ARFGEF1: variants seen among roughly 807,000 people sequenced by gnomAD.
ARFGEF1 encodes the protein brefeldin A-inhibited guanine nucleotide-exchange protein 1.
Under a neutral mutation model 231.0 loss-of-function variants are expected in ARFGEF1, and 42 were observed. The ratio of observed to expected loss-of-function variants is 0.18; its 90% CI spans 0.14 to 0.24. The LOEUF is 0.24. ARFGEF1 is among the 10% of genes least tolerant of loss of function. The pLI is 1.00. For missense variants in ARFGEF1, 1,345 were observed against 2,192.0 expected, an observed-to-expected ratio of 0.61 and a Z score of 7.72; for synonymous variants, 710 against 732.3, an observed-to-expected ratio of 0.97 and a Z score of 0.49.
chr8:67,283,508 T>C (rs573728919), intron 7 of ARFGEF1, among the ~76,000 whole-genome samples: 71 of 152,222 alleles, frequency 4.7e-4, no homozygotes, highest in African/African-American at 1.7e-3. Flanking sequence ...TATGCAGGCA[T>C]GTGTGAAAAA....
intron 1 of ARFGEF1, among the ~76,000 whole-genome samples, chr8:67,304,179 C>T (rs919942224): frequency 6.6e-6 from 1 of 152,194 alleles, no homozygotes; most frequent in Non-Finnish European, 1.5e-5. Flanking sequence ...GTACCAGATA[C>T]TGTATTAAAC....
chr8:67,322,638 G>A (rs189916192), intron 1 of ARFGEF1, among the ~76,000 whole-genome samples: 230 of 152,272 alleles, frequency 1.5e-3, no homozygotes, highest in African/African-American at 5.3e-3. Context: ...CCAGGAGTTC[G>A]AGGATGCTGT....
downstream of ARFGEF1, among the ~76,000 whole-genome samples, chr8:67,194,836 A>G (rs146315979): frequency 7.8e-4 from 119 of 152,334 alleles, 1 homozygote; most frequent in African/African-American, 2.7e-3. Flanking sequence ...CTACCTCTTC[A>G]TTGACTGGAC....
At chr8:67,186,978 T>TATC (rs1834811841) in intron 5 of ARFGEF1, among the ~76,000 whole-genome samples, 1 of 133,658 alleles carries the variant, frequency 7.5e-6, no homozygotes, top group Non-Finnish European at 1.6e-5. Flanking sequence ...ATCATCTATC[T>TATC]ATCTATCTAT....
intron 15 of ARFGEF1, 63 bp from the exon 16 acceptor site, chr8:67,258,353 T>G: frequency 8.4e-7 from 1 of 1,189,106 alleles, no homozygotes; most frequent in South Asian, 1.5e-5. Flanking sequence ...TGAGACAGAG[T>G]CTTGCTCTGT....
At chr8:67,240,102 T>G (rs1253646021) in intron 20 of ARFGEF1, 60 bp downstream of exon 20, 1 of 1,571,592 alleles carries the variant, frequency 6.4e-7, no homozygotes, top group East Asian at 2.3e-5. Flanking sequence ...ATTTAAACTA[T>G]TGTAATGGCA....
intron 1 of ARFGEF1, 31 bp from the exon 2 acceptor site, chr8:67,302,497 G>C (rs1208569593): frequency 5.3e-6 from 8 of 1,520,860 alleles, no homozygotes; most frequent in South Asian, 2.6e-5. Context: ...GCATACATTA[G>C]AAAACTGGAC....
At chr8:67,175,175 C>G, downstream of ARFGEF1, 1 of 729,326 alleles carries the variant, frequency 1.4e-6, no homozygotes. Flanking sequence ...TGATGTTTCA[C>G]TATTTCTATC....
rs1176673836 is a variant in ARFGEF1, at chr8:67,211,368, A to AAAAAAAAG, written c.4819+114_4819+115insCTTTTTTT. 5.0e-6 allele frequency: 3 copies of AAAAAAAAG among 596,924 alleles called. No homozygotes were observed. In the African/African-American group the frequency reaches 6.1e-5, roughly 12 times the overall value. The allele number at this position is 596,924 out of a possible 1,614,324, so 37.0% of individuals were successfully genotyped here. ...CTCAAAAAAAAAAAAAAAAAAAAGA[A>AAAAAAAAG]GTGATGACACAATCAATTATAGTAT... On this transcript the variant is annotated intron_variant, in intron 34 of 38. Coordinates refer to ENST00000262215, the MANE Select transcript of ARFGEF1 (RefSeq NM_006421.5).
Position 67,181,395 on chromosome 8 carries a change from C to T in ARFGEF1, c.561-5823G>A, listed in dbSNP as rs147732266. Among the ~76,000 whole-genome samples the T allele has an allele frequency of 4.0e-4, 56 of 139,778 alleles. No homozygotes were observed. In the East Asian group the frequency reaches 8.7e-3, roughly 22 times the overall value. The allele number at this position is 139,778 out of a possible 152,430, so 91.7% of individuals were successfully genotyped here. ...TTTCCTTTCCAAGGAAGATGCACTG[C>T]GGAGAGAAGGAAAGATAAAACCAGC... On this transcript the variant is annotated intron_variant, in intron 5 of 5. Coordinates refer to the ARFGEF1 transcript ENST00000518789.
chr8:67,199,197 A>G, intron 38 of ARFGEF1, 99 bp from the exon 39 acceptor site: 1 of 1,415,012 alleles, frequency 7.1e-7, no homozygotes, highest in Non-Finnish European at 9.5e-7. Context: ...CACAGGAGCC[A>G]GGAAAGCAGG....
At chr8:67,173,625 G>C (rs1830913960), downstream of ARFGEF1, 1 of 151,720 alleles carries the variant, frequency 6.6e-6, no homozygotes, top group Non-Finnish European at 1.5e-5. Context: ...TTATCATTTT[G>C]GATGTTTTCT....
At chr8:67,304,387 G>C (rs997077547) in intron 1 of ARFGEF1, among the ~76,000 whole-genome samples, 9 of 152,190 alleles carry the variant, frequency 5.9e-5, no homozygotes, top group African/African-American at 1.7e-4. Flanking sequence ...AGAACTAGAA[G>C]GCAGATAGTA....
At chr8:67,236,361 A>ATATATAT (rs1839748784) in intron 22 of ARFGEF1, among the ~76,000 whole-genome samples, 1 of 42,064 alleles carries the variant, frequency 2.4e-5, no homozygotes, top group Non-Finnish European at 4.3e-5. Context: ...AAAAAAAAAA[A>ATATATAT]AAAAATATAT....
chr8:67,193,525 ATGT>A (rs749558548), downstream of ARFGEF1: 36 of 1,612,892 alleles, frequency 2.2e-5, 1 homozygote, highest in African/African-American at 4.0e-4. Context: ...TCCAGTGTAA[ATGT>A]TGATGAGCTT....
intron 7 of ARFGEF1, among the ~76,000 whole-genome samples, chr8:67,284,930 C>T (rs1805688498): frequency 6.6e-6 from 1 of 151,936 alleles, no homozygotes; most frequent in East Asian, 1.9e-4. Context: ...CTTTCTGTTC[C>T]AAACATAAAG....
intron 19 of ARFGEF1, among the ~76,000 whole-genome samples, chr8:67,249,009 T>C (rs893721654): frequency 6.6e-6 from 1 of 150,436 alleles, no homozygotes; most frequent in African/African-American, 2.5e-5. Context: ...ATATTATACA[T>C]TGCATTCCAG....
At chr8:67,193,129 C>CTTTTT (rs995747695), downstream of ARFGEF1, among the ~76,000 whole-genome samples, 1 of 151,258 alleles carries the variant, frequency 6.6e-6, no homozygotes, top group African/African-American at 2.4e-5. Flanking sequence ...TGGTTTTTTT[C>CTTTTT]TTTTTTTTTG....
intron 5 of ARFGEF1, among the ~76,000 whole-genome samples, chr8:67,178,890 A>G (rs1291688053): frequency 6.6e-6 from 1 of 152,158 alleles, no homozygotes; most frequent in Admixed American, 6.5e-5. Context: ...AAGGTCTTTA[A>G]GTGGAGGAGT....
Sources: allele counts gnomAD v4.1 joint callset (sites outside exome capture counted in the v4.1 genomes callset), GRCh38; gene constraint gnomAD v4.1.1; transcripts MANE v1.5; gene names NCBI Gene and HGNC (gene_info 2026-07-23, HGNC 2026-07-21).